Variants in NRIP1 observed in about 807,000 individuals in gnomAD.
NRIP1 encodes the protein nuclear receptor-interacting protein 1.
NRIP1 carries 28 observed loss-of-function variants against 75.0 expected under a neutral mutation model. The ratio of observed to expected loss-of-function variants is 0.37; its 90% CI spans 0.28 to 0.51. The LOEUF is 0.51. NRIP1 is among the 20% of genes least tolerant of loss of function. The probability of loss-of-function intolerance (pLI) is 0.92; values close to 1 mark genes in which losing one functional copy is unlikely to be tolerated. For synonymous variants in NRIP1, 526 were observed against 487.6 expected (o/e 1.08, Z -1.04); for missense variants, 1,435 against 1,343.7 (o/e 1.07, Z -1.06).
chr21:15,005,087 C>T (rs1166367549), intron 3 of NRIP1, among the ~76,000 whole-genome samples: 1 of 152,148 alleles, frequency 6.6e-6, no homozygotes, highest in African/African-American at 2.4e-5. Flanking sequence ...TTTATAAATT[C>T]TCTTAAGTTT....
chr21:15,007,078 G>A (rs1409948408), intron 3 of NRIP1, among the ~76,000 whole-genome samples: 2 of 152,210 alleles, frequency 1.3e-5, no homozygotes, highest in Non-Finnish European at 2.9e-5. Flanking sequence ...GTAGTCCAAT[G>A]GGAGTGGAGA....
At chr21:14,983,853 G>A (rs887975780) in intron 3 of NRIP1, among the ~76,000 whole-genome samples, 1 of 152,282 alleles carries the variant, frequency 6.6e-6, no homozygotes, top group Middle Eastern at 3.4e-3. Context: ...ACCATGATTT[G>A]CTGAATATTT....
At chr21:15,011,388 A>T (rs2088098693) in intron 3 of NRIP1, among the ~76,000 whole-genome samples, 1 of 152,140 alleles carries the variant, frequency 6.6e-6, no homozygotes, top group Non-Finnish European at 1.5e-5. Flanking sequence ...ACAGGGTTTC[A>T]CCGTGTCAGC....
At chr21:15,022,170 A>C (rs1159438333) in intron 2 of NRIP1, among the ~76,000 whole-genome samples, 1 of 152,256 alleles carries the variant, frequency 6.6e-6, no homozygotes, top group African/African-American at 2.4e-5. Context: ...GACTGGATAA[A>C]GAAAATGTGG....
At chr21:15,043,444 A>G (rs2089002471) in intron 2 of NRIP1, 51 bp downstream of exon 2, 1 of 152,210 alleles carries the variant, frequency 6.6e-6, no homozygotes, top group Admixed American at 6.5e-5. Context: ...CTACAATTGG[A>G]AAGGCTTGAT....
intron 2 of NRIP1, among the ~76,000 whole-genome samples, chr21:15,030,869 ATG>A (rs2088637140): frequency 1.4e-5 from 2 of 147,258 alleles, no homozygotes; most frequent in African/African-American, 2.5e-5. Context: ...TTCCCCTTCT[ATG>A]TGTGTACACT....
chr21:15,045,014 T>A (rs921937314), intron 1 of NRIP1, among the ~76,000 whole-genome samples: 1 of 152,208 alleles, frequency 6.6e-6, no homozygotes, highest in African/African-American at 2.4e-5. Context: ...ATGGACCAAC[T>A]ACAATGAAAA....
chr21:15,032,356 G>C (rs2088723916), intron 2 of NRIP1, among the ~76,000 whole-genome samples: 1 of 152,108 alleles, frequency 6.6e-6, no homozygotes, highest in Non-Finnish European at 1.5e-5. Context: ...AGACAAAATA[G>C]AAGATATTTT....
At chr21:15,035,008 T>C (rs2088799653) in intron 2 of NRIP1, among the ~76,000 whole-genome samples, 1 of 152,206 alleles carries the variant, frequency 6.6e-6, no homozygotes, top group Admixed American at 6.5e-5. Context: ...AATATTCTTA[T>C]GATGTAAGAT....
At chr21:14,976,117 T>C (rs2087059454) in intron 3 of NRIP1, among the ~76,000 whole-genome samples, 1 of 152,176 alleles carries the variant, frequency 6.6e-6, no homozygotes, top group Admixed American at 6.5e-5. Flanking sequence ...ATAAAATTCA[T>C]GTCCAACTAC....
At position 14,961,329 on chromosome 21, in the gene NRIP1, TAC is replaced by T. The variant is rs1387649780; in HGVS notation, c.*3385_*3386del. The T allele has an allele frequency of 6.6e-6, 1 of 152,446 alleles. No homozygotes were observed. The highest frequency in any genetic ancestry group is 1.5e-5 in the Non-Finnish European group (1 of 67,900). 9.4% of individuals were successfully genotyped at this position (152,446 alleles called of 1,614,324 possible). The stretch of plus-strand genomic sequence containing the variant: ...ACAAAAAAATTCACACTGCAGTATG[TAC>T]AGTTTCATGACATCACATGAAGAAA... On this transcript the variant is annotated 3_prime_UTR_variant, in exon 4 of 4. Transcript: ENST00000318948.
At chr21:14,969,056 ATAAG>A (rs946267239) in intron 3 of NRIP1, among the ~76,000 whole-genome samples, 12 of 152,248 alleles carry the variant, frequency 7.9e-5, no homozygotes, top group African/African-American at 2.4e-4. Flanking sequence ...CAGACATTCC[ATAAG>A]TAATTTTTAG....
Position 15,014,422 on chromosome 21 carries a change from T to A in NRIP1, c.-413A>T. 1 of 398,448 alleles carries A rather than the reference T, an allele frequency of 2.5e-6. No individual in the cohort carries two copies. The highest frequency in any genetic ancestry group is 4.4e-6 in the Non-Finnish European group (1 of 225,928). 24.7% of individuals were successfully genotyped at this position (398,448 alleles called of 1,614,324 possible). On this transcript the variant is annotated 5_prime_UTR_variant, in exon 3 of 4. The change abolishes an upstream ATG in the 5' untranslated region. Coordinates refer to ENST00000318948, the MANE Select transcript of NRIP1 (RefSeq NM_003489.4). The stretch of plus-strand genomic sequence containing the variant: ...CTGTTGAAAAGTAGCTCTGATGTCA[T>A]CCGGAGTCTTCAGATTCCCTGTCCT...
intron 1 of NRIP1, chr21:15,050,689 GTTTCTTATTTTCTGTA>G: frequency 2.2e-6 from 1 of 455,714 alleles, no homozygotes; most frequent in Non-Finnish European, 4.4e-6. Flanking sequence ...TATTGTTTAT[GTTTCTTATTTTCTGTA>G]TATTATGATG....
intron 2 of NRIP1, among the ~76,000 whole-genome samples, chr21:15,027,046 AT>A (rs1384960599): frequency 1.3e-5 from 2 of 152,210 alleles, no homozygotes. Flanking sequence ...TTAAAAAAAA[AT>A]TTGAAACAGC....
intron 1 of NRIP1, among the ~76,000 whole-genome samples, chr21:15,045,174 T>G (rs192112774): frequency 1.3e-5 from 2 of 152,238 alleles, no homozygotes; most frequent in East Asian, 3.9e-4. Flanking sequence ...GGTTGGGTGG[T>G]AGGTGTCCAT....
chr21:15,029,848 T>C (rs762059253), intron 2 of NRIP1, among the ~76,000 whole-genome samples: 4 of 149,290 alleles, frequency 2.7e-5, no homozygotes, highest in Admixed American at 2.0e-4. Flanking sequence ...AAATAAATAA[T>C]AAACATGTCT....
intron 3 of NRIP1, among the ~76,000 whole-genome samples, chr21:15,011,922 C>T (rs1270910124): frequency 6.6e-6 from 1 of 152,144 alleles, no homozygotes; most frequent in African/African-American, 2.4e-5. Context: ...GCAAGGGAAA[C>T]ATGGCCTAAG....
intron 1 of NRIP1, among the ~76,000 whole-genome samples, chr21:15,048,169 T>C (rs562283486): frequency 1.8e-4 from 28 of 152,176 alleles, no homozygotes; most frequent in Admixed American, 6.5e-4. Flanking sequence ...CAGATCACCA[T>C]GACACATATA....
Sources: gnomAD v4.1 joint callset for allele counts (sites outside exome capture counted in the v4.1 genomes callset) on GRCh38, gnomAD v4.1.1 for gene constraint, MANE v1.5 for transcripts, NCBI Gene and HGNC (gene_info 2026-07-23, HGNC 2026-07-21) for gene names.